KLHL5: variants seen among roughly 807,000 people sequenced by gnomAD.
KLHL5 encodes the protein kelch-like protein 5.
KLHL5 carries 48 observed loss-of-function variants against 77.7 expected under a neutral mutation model. The ratio of observed to expected loss-of-function variants is 0.62; its 90% confidence interval spans 0.49 to 0.79. The LOEUF (loss-of-function observed/expected upper bound fraction) is 0.79. KLHL5 is among the 30% of genes least tolerant of loss of function. KLHL5 has a pLI of 0.00. For missense variants in KLHL5, 723 were observed against 859.7 expected (o/e 0.84, Z 1.99); for synonymous variants, 260 against 297.0 (o/e 0.88, Z 1.28).
the KLHL5 span, among the ~76,000 whole-genome samples, chr4:39,141,735 C>T: frequency 6.6e-6 from 1 of 151,168 alleles, no homozygotes; most frequent in South Asian, 2.1e-4. Flanking sequence ...CCCAGGAGTT[C>T]GAGACCAGCC....
At chr4:39,045,362 C>T (rs1716095769) in intron 1 of KLHL5, among the ~76,000 whole-genome samples, 1 of 151,600 alleles carries the variant, frequency 6.6e-6, no homozygotes, top group Admixed American at 6.6e-5. Context: ...GCGCCCGGGC[C>T]GCCCTGGAGT....
At chr4:39,052,846 CT>C (rs1182712504) in intron 1 of KLHL5, among the ~76,000 whole-genome samples, 2 of 152,158 alleles carry the variant, frequency 1.3e-5, no homozygotes, top group Non-Finnish European at 2.9e-5. Flanking sequence ...TATTTGTCAT[CT>C]CCTTCCCCCC....
chr4:39,107,607 G>A lies in KLHL5; in HGVS notation c.1564G>A (p.Gly522Arg). The A allele has an allele frequency of 6.2e-7, 1 of 1,612,264 alleles. No individual in the cohort carries two copies. Among genetic ancestry groups the A allele is most frequent in the Non-Finnish European group, 8.5e-7 (1 of 1,178,742 alleles). ...GGAAGGTCCCATGTATGCCGTAGGAGGACATGATGGCTGGAGCTATCTGAA... is the reference window on the plus strand; with the variant it reads ...GGAAGGTCCCATGTATGCCGTAGGAAGACATGATGGCTGGAGCTATCTGAA... ...VLEGPMYAVG[G>R]HDGWSYLNTV... is the part of the protein sequence containing the mutation. Residue 522 changes from glycine to arginine, a missense_variant, in exon 8 of 11, where the codon GGA (glycine) becomes AGA (arginine). By Grantham distance (125) the Gly-to-Arg change is moderately radical. Transcript: ENST00000504108.
At chr4:39,094,497 G>A (rs1720877831) in intron 5 of KLHL5, among the ~76,000 whole-genome samples, 1 of 151,498 alleles carries the variant, frequency 6.6e-6, no homozygotes, top group African/African-American at 2.4e-5. Context: ...AAAAAGAACT[G>A]AATAAATTTG....
Position 39,107,727 on chromosome 4 carries a change from G to A in KLHL5, c.1684G>A (p.Gly562Arg). 2 of 1,576,492 alleles carry A rather than the reference G, an allele frequency of 1.3e-6. No homozygotes were observed. The highest frequency in any genetic ancestry group is 2.3e-5 in the East Asian group (1 of 44,378). Residue 562 changes from glycine to arginine, a missense_variant, in exon 8 of 11, where the codon GGA (glycine) becomes AGA (arginine). Coordinates refer to ENST00000504108, the MANE Select transcript of KLHL5 (RefSeq NM_015990.5). ...TACAGTAGGTGTGGCAGTACTAAGTGGAAAGTAAGGAAATATTTAAAGTTC... is the reference window on the plus strand; with the variant it reads ...TACAGTAGGTGTGGCAGTACTAAGTAGAAAGTAAGGAAATATTTAAAGTTC... The part of the protein sequence containing the change: ...RSTVGVAVLS[G>R]KLYAVGGRDG...
chr4:39,081,112 C>A lies in KLHL5; in HGVS notation c.576C>A (p.Leu192=), dbSNP rs1719579212. The A allele has an allele frequency of 6.2e-7, 1 of 1,606,984 alleles. No homozygotes were observed. Among genetic ancestry groups the A allele is most frequent in the Non-Finnish European group, 8.5e-7 (1 of 1,177,936 alleles). Residue 192 remains leucine, a synonymous_variant, in exon 3 of 11, where the codon CTC becomes CTA. Transcript: ENST00000504108. This position sits in a 1 kb window ranked among gnomAD's most constrained non-coding sequence, Gnocchi z 4.3. ...CCTAATGTGTTCACAGATTGGTGCTCTCCTCTGTCTCAGACTATTTTGCTG... is the reference window on the plus strand; with the variant it reads ...CCTAATGTGTTCACAGATTGGTGCTATCCTCTGTCTCAGACTATTTTGCTG... ...DRRIPAHRLV[L]SSVSDYFAAM...
Position 39,050,856 on chromosome 4 carries a change from A to G in KLHL5, c.-95+5760A>G, listed in dbSNP as rs997213984. 3.3e-5 allele frequency among the ~76,000 whole-genome samples: 5 copies of G among 152,234 alleles called. No homozygotes were observed. In the East Asian group the frequency reaches 9.6e-4, roughly 29 times the overall value. ...GGATAAGAAGGTATAACTGGATCTG[A>G]CTTAAGTAACTACGATATTCCCTCC... is the stretch of plus-strand genomic sequence containing the variant. On this transcript the variant is annotated intron_variant, in intron 1 of 11. Coordinates refer to the KLHL5 transcript ENST00000261425.
chr4:39,141,956 G>A, the KLHL5 span, among the ~76,000 whole-genome samples: 1 of 151,982 alleles, frequency 6.6e-6, no homozygotes, highest in Non-Finnish European at 1.5e-5. Flanking sequence ...TGAAAATATT[G>A]TTTTCATGAT....
chr4:39,086,779 A>C, intron 5 of KLHL5, 52 bp downstream of exon 5: 2 of 1,339,892 alleles, frequency 1.5e-6, no homozygotes, highest in Non-Finnish European at 2.1e-6. Flanking sequence ...ATTCTATCAA[A>C]GAAAATAATT....
the KLHL5 span, among the ~76,000 whole-genome samples, chr4:39,136,082 A>G: frequency 6.6e-6 from 1 of 152,114 alleles, no homozygotes; most frequent in Admixed American, 6.6e-5. Context: ...GCTCAAAGAC[A>G]TGAAAAAAAA....
intron 1 of KLHL5, among the ~76,000 whole-genome samples, chr4:39,068,063 C>G (rs1349362762): frequency 1.3e-5 from 2 of 152,060 alleles, no homozygotes; most frequent in African/African-American, 4.8e-5. Flanking sequence ...ATAGCCCAAA[C>G]TCTTATTTTT....
At chr4:39,100,738 C>T (rs1007345911) in intron 6 of KLHL5, among the ~76,000 whole-genome samples, 1 of 152,156 alleles carries the variant, frequency 6.6e-6, no homozygotes, top group African/African-American at 2.4e-5. Context: ...ATGCAAATGC[C>T]TCATTTAAGA....
At position 39,120,347 on chromosome 4, in the gene KLHL5, C is replaced by T. The variant is rs58266871; in HGVS notation, c.2074-663C>T. On this transcript the variant is annotated intron_variant, in intron 10 of 10. Transcript: ENST00000504108. ...GTTCTTTATCCATAAATTTAGATTG[C>T]ATTCCTTCCCCTAGCAACCCTCCCC... 3.7e-4 allele frequency: 56 copies of T among 152,330 alleles called. 1 individual carries two copies. The highest frequency in any genetic ancestry group is 1.3e-3 in the African/African-American group (53 of 41,570). 9.4% of individuals were successfully genotyped at this position (152,330 alleles called of 1,614,324 possible). A position where few individuals can be genotyped will look rare whatever the true frequency, so the allele number is the denominator to read the frequency against.
chr4:39,099,817 A>G (rs542174831), intron 6 of KLHL5, among the ~76,000 whole-genome samples: 1 of 152,344 alleles, frequency 6.6e-6, no homozygotes, highest in South Asian at 2.1e-4. Context: ...TGGTACAGAA[A>G]TAAATAACTT....
the KLHL5 span, among the ~76,000 whole-genome samples, chr4:39,140,291 C>T: frequency 1.1e-4 from 16 of 152,108 alleles, no homozygotes; most frequent in African/African-American, 3.6e-4. Flanking sequence ...TGAATCCTTT[C>T]GCTATAAAGG....
intron 5 of KLHL5, among the ~76,000 whole-genome samples, chr4:39,095,460 AACAT>A (rs1290457982): frequency 6.6e-6 from 1 of 152,104 alleles, no homozygotes; most frequent in Non-Finnish European, 1.5e-5. Flanking sequence ...ATGCATACAT[AACAT>A]ACATACATAT....
chr4:39,095,409 T>C (rs1365192366), intron 5 of KLHL5, among the ~76,000 whole-genome samples: 1 of 152,088 alleles, frequency 6.6e-6, no homozygotes, highest in Non-Finnish European at 1.5e-5. Flanking sequence ...ACATTGATCA[T>C]ACACATAGAC....
At chr4:39,053,655 C>T (rs754553254) in intron 1 of KLHL5, among the ~76,000 whole-genome samples, 4 of 152,022 alleles carry the variant, frequency 2.6e-5, no homozygotes, top group Admixed American at 6.6e-5. Context: ...GCAAGGGAAC[C>T]TTGTGTTTTA....
chr4:39,134,824 A>T, the KLHL5 span, among the ~76,000 whole-genome samples: 1 of 152,212 alleles, frequency 6.6e-6, no homozygotes, highest in African/African-American at 2.4e-5. Context: ...AGCAGAGAGC[A>T]GGGATGCTGA....
Sources: allele counts gnomAD v4.1 joint callset (sites outside exome capture counted in the v4.1 genomes callset), GRCh38; gene constraint gnomAD v4.1.1; non-coding constraint Gnocchi (gnomAD v3.1); transcripts MANE v1.5; gene names NCBI Gene and HGNC (gene_info 2026-07-23, HGNC 2026-07-21).